The following RNPEP variants were observed in gnomAD, a reference collection of about 807,000 sequenced individuals.
RNPEP encodes the protein arginyl aminopeptidase, also known as aminopeptidase B.
A neutral mutation model predicts 70.1 loss-of-function variants in RNPEP; 57 were observed. The ratio of observed to expected loss-of-function variants is 0.81; its 90% confidence interval spans 0.66 to 1.01. The LOEUF is 1.01. RNPEP is among the 50% of genes least tolerant of loss of function. The probability of loss-of-function intolerance (pLI) is 0.00; values close to 1 mark genes in which losing one functional copy is unlikely to be tolerated. For missense variants in RNPEP, 787 were observed against 852.4 expected (o/e 0.92, Z 0.96); for synonymous variants, 335 against 357.4 (o/e 0.94, Z 0.71).
At chr1:201,984,715 C>G (rs1043062548) in intron 1 of RNPEP, among the ~76,000 whole-genome samples, 1 of 151,818 alleles carries the variant, frequency 6.6e-6, no homozygotes, top group African/African-American at 2.4e-5. Flanking sequence ...AGTCTAAGTG[C>G]TTGACATAGG....
At position 201,983,132 on chromosome 1, in the gene RNPEP, G is replaced by C. The variant is rs1683000549; in HGVS notation, c.447+19G>C. 7.0e-7 allele frequency: 1 copy of C among 1,433,954 alleles called. No individual in the cohort carries two copies. The highest frequency in any genetic ancestry group is 1.5e-5 in the African/African-American group (1 of 67,980). The allele number at this position is 1,433,954 out of a possible 1,614,324, so 88.8% of individuals were successfully genotyped here. On this transcript the variant is annotated intron_variant, in intron 1 of 10. Coordinates refer to ENST00000295640, the MANE Select transcript of RNPEP (RefSeq NM_020216.4). Reference sequence around the variant, plus strand: ...ACCCGGGGTGAGTGCGCCCCAGACTGCGCCCGCCGCTGCCTGCCTGCCCTT... The same window carrying C: ...ACCCGGGGTGAGTGCGCCCCAGACTCCGCCCGCCGCTGCCTGCCTGCCCTT...
At chr1:201,984,662 A>AG (rs1214711623) in intron 1 of RNPEP, among the ~76,000 whole-genome samples, 3 of 152,042 alleles carry the variant, frequency 2.0e-5, no homozygotes, top group Non-Finnish European at 2.9e-5. Flanking sequence ...ATTTTGGTGG[A>AG]GGGGGGATGA....
At chr1:202,005,434 C>T in intron 10 of RNPEP, 124 bp from the exon 11 acceptor site, 7 of 1,070,838 alleles carry the variant, frequency 6.5e-6, no homozygotes, top group Non-Finnish European at 9.7e-6. Context: ...CTCATTCCAG[C>T]TGTGATGCCC....
intron 10 of RNPEP, 111 bp downstream of exon 10, chr1:202,004,607 G>T: frequency 7.4e-7 from 1 of 1,354,584 alleles, no homozygotes. Flanking sequence ...GGCACAGAGG[G>T]AGGGGCAAAT....
Position 201,982,813 on chromosome 1 carries a change from T to C in RNPEP, c.147T>C (p.Pro49=). ...LHLDLRAEFG[P]PGPGAGSRGL... is the part of the protein sequence containing the mutation. ...TGGACCTGCGGGCTGAGTTCGGGCC[T>C]CCAGGGCCCGGCGCAGGGAGCCGGG... Residue 49 remains proline (P), a synonymous_variant, in exon 1 of 11, where the codon CCT becomes CCC. Coordinates refer to ENST00000295640, the MANE Select transcript of RNPEP (RefSeq NM_020216.4). 2 of 1,333,992 alleles carry C rather than the reference T, an allele frequency of 1.5e-6. No homozygotes were observed. The highest frequency in any genetic ancestry group is 9.6e-7 in the Non-Finnish European group (1 of 1,042,194). The allele number at this position is 1,333,992 out of a possible 1,614,324, so 82.6% of individuals were successfully genotyped here. A position where few individuals can be genotyped will look rare whatever the true frequency, so the allele number is the denominator to read the frequency against.
At position 202,001,395 on chromosome 1, in the gene RNPEP, C is replaced by T. The variant is rs776857181; in HGVS notation, c.1224C>T (p.Thr408=). ...KIEPGVDPDD[T]YNETPYEKGF... is the part of the protein sequence containing the mutation. ...TGCCAGGCGTTGACCCGGACGACAC[C>T]TATAATGAGACCCCCTACGAGAAAG... Residue 408 remains threonine, a synonymous_variant, in exon 7 of 11, where the codon ACC becomes ACT. Coordinates refer to ENST00000295640, the MANE Select transcript of RNPEP (RefSeq NM_020216.4). The T allele has an allele frequency of 6.2e-7, 1 of 1,613,844 alleles. No individual in the cohort carries two copies. The highest frequency in any genetic ancestry group is 8.5e-7 in the Non-Finnish European group (1 of 1,179,730).
In RNPEP at chr1:201,996,055, G is replaced by A; in HGVS notation, c.738-92G>A. 6 of 952,956 alleles carry A rather than the reference G, an allele frequency of 6.3e-6. No individual in the cohort carries two copies. The South Asian group carries it at 8.8e-5, about 14-fold the overall frequency. 59.0% of individuals were successfully genotyped at this position (952,956 alleles called of 1,614,324 possible). Reference sequence around the variant, plus strand: ...CTGACTGCATTGTCACATTCACTTGGCGGAGGCCAATTTCCTACAGGTGCT... The same window carrying A: ...CTGACTGCATTGTCACATTCACTTGACGGAGGCCAATTTCCTACAGGTGCT... On this transcript the variant is annotated intron_variant, in intron 3 of 10. Transcript: ENST00000295640.
chr1:201,983,809 A>T, intron 1 of RNPEP: 4 of 1,096,832 alleles, frequency 3.6e-6, no homozygotes, highest in Non-Finnish European at 4.5e-6. Flanking sequence ...GGATGGAGTT[A>T]TGTGGCTTAT....
Position 201,999,972 on chromosome 1 carries a change from A to T in RNPEP, c.1161A>T (p.Gly387=). 6.2e-7 allele frequency: 1 copy of T among 1,614,008 alleles called. No individual in the cohort carries two copies. The highest frequency in any genetic ancestry group is 1.1e-5 in the South Asian group (1 of 91,040). ...TGCGTCAGCACATGGACATCACTGGAGAGGAAAACCCACTCAACAAGCTCC... is the reference window on the plus strand; with the variant it reads ...TGCGTCAGCACATGGACATCACTGGTGAGGAAAACCCACTCAACAAGCTCC... ...ALLRQHMDIT[G]EENPLNKLRV... The change falls in exon 6 of 11, where the codon GGA becomes GGT. Residue 387 remains glycine, a synonymous_variant. Transcript: ENST00000295640.
chr1:202,004,576 G>T, intron 10 of RNPEP, 80 bp downstream of exon 10: 3 of 1,544,948 alleles, frequency 1.9e-6, no homozygotes, highest in Non-Finnish European at 2.6e-6. Context: ...TGTGGGCAGG[G>T]CTCATCTAGG....
At position 201,984,856 on chromosome 1, in the gene RNPEP, T is replaced by C. The variant is rs1189965336; in HGVS notation, c.447+1743T>C. 1.2e-3 allele frequency among the ~76,000 whole-genome samples: 112 copies of C among 92,744 alleles called. 3 individuals carry two copies. The highest frequency in any genetic ancestry group is 3.8e-3 in the African/African-American group (106 of 27,622). 60.8% of individuals were successfully genotyped at this position (92,744 alleles called of 152,430 possible). A position where few individuals can be genotyped will look rare whatever the true frequency, so the allele number is the denominator to read the frequency against. On this transcript the variant is annotated intron_variant, in intron 1 of 10. Transcript: ENST00000295640. Reference sequence around the variant, plus strand: ...TTTTTTTTTTTTTTTTTTTTTTTTTTTGAGAAGGGATCAAAAAGCTCCCTA... The same window carrying C: ...TTTTTTTTTTTTTTTTTTTTTTTTTCTGAGAAGGGATCAAAAAGCTCCCTA...
intron 2 of RNPEP, 62 bp downstream of exon 2, chr1:201,989,106 A>G (rs778650410): frequency 5.6e-4 from 884 of 1,567,670 alleles, no homozygotes; most frequent in Non-Finnish European, 7.1e-4. Flanking sequence ...CAGATCTATC[A>G]ATCAGGTCAC....
intron 9 of RNPEP, among the ~76,000 whole-genome samples, chr1:202,004,047 T>C (rs1005989934): frequency 6.6e-6 from 1 of 152,198 alleles, no homozygotes; most frequent in African/African-American, 2.4e-5. Flanking sequence ...TCTGCTTTAA[T>C]CTTGCTCTGT....
At position 201,984,821 on chromosome 1, in the gene RNPEP, C is replaced by CTTTTTTTTTTTTTTTTTT. The variant is rs200795347; in HGVS notation, c.447+1727_447+1744dup. ...TTACTGCTAACTTTTGTATTTCTTT[C>CTTTTTTTTTTTTTTTTTT]TTTTTTTTTTTTTTTTTTTTTTTTT... On this transcript the variant is annotated intron_variant, in intron 1 of 10. Transcript: ENST00000295640. 4.1e-5 allele frequency among the ~76,000 whole-genome samples: 5 copies of CTTTTTTTTTTTTTTTTTT among 122,038 alleles called. 1 individual carries two copies. The highest frequency in any genetic ancestry group is 6.8e-5 in the Non-Finnish European group (4 of 58,986). The allele number at this position is 122,038 out of a possible 152,430, so 80.1% of individuals were successfully genotyped here.
intron 4 of RNPEP, 98 bp downstream of exon 4, chr1:201,996,361 G>A (rs941548723): frequency 3.5e-6 from 3 of 853,046 alleles, no homozygotes; most frequent in African/African-American, 3.3e-5. Flanking sequence ...GCCTCCCAGA[G>A]CAAAGTTTCC....
rs1374489947 is a variant in RNPEP at position 201,988,977 on chromosome 1, T to TA, written c.524dup (p.Asn175LysfsTer14). The TA allele has an allele frequency of 6.2e-7, 1 of 1,614,210 alleles. No individual in the cohort carries two copies. Among genetic ancestry groups the TA allele is most frequent in the Admixed American group, 1.7e-5 (1 of 60,026 alleles). On this transcript the variant is annotated frameshift_variant, in exon 2 of 11. Transcript: ENST00000295640. LOFTEE classifies it high-confidence loss of function. ...GTGTACACCCAGGGCCAGGCTGTCC[T>TA]AAACCGGGCCTTCTTCCCTTGCTTC...
chr1:201,997,827 G>C (rs1292358259), intron 5 of RNPEP, among the ~76,000 whole-genome samples: 2 of 148,870 alleles, frequency 1.3e-5, no homozygotes, highest in African/African-American at 4.9e-5. Context: ...GCAATGGCAC[G>C]ATCTCGGCTC....
intron 3 of RNPEP, among the ~76,000 whole-genome samples, chr1:201,994,715 G>A (rs1489877573): frequency 4.0e-5 from 6 of 149,322 alleles, no homozygotes; most frequent in Non-Finnish European, 5.9e-5. Context: ...CACCCAGGCT[G>A]GAGTGCGATG....
At chr1:201,987,551 C>T (rs1305280543) in intron 1 of RNPEP, among the ~76,000 whole-genome samples, 1 of 150,856 alleles carries the variant, frequency 6.6e-6, no homozygotes, top group Non-Finnish European at 1.5e-5. Context: ...AATTCTCCTG[C>T]CTCAGCCTCC....
Sources: gnomAD v4.1 joint callset for allele counts (sites outside exome capture counted in the v4.1 genomes callset) on GRCh38, gnomAD v4.1.1 for gene constraint, MANE v1.5 for transcripts, NCBI Gene and HGNC (gene_info 2026-07-23, HGNC 2026-07-21) for gene names.